ACSM6: variants seen among roughly 807,000 people sequenced by gnomAD.
ACSM6 encodes acyl-CoA synthetase medium chain family member 6, also known as acyl-coenzyme A synthetase ACSM6, mitochondrial.
Under a neutral mutation model 51.1 loss-of-function variants are expected in ACSM6, and 35 were observed. The ratio of observed to expected loss-of-function variants is 0.69; its 90% CI spans 0.52 to 0.91. ACSM6 has a LOEUF of 0.91. Ranked by LOEUF, ACSM6 falls within the 40% of genes least tolerant of loss-of-function variation. The probability of loss-of-function intolerance (pLI) is 0.00; values close to 1 mark genes in which losing one functional copy is unlikely to be tolerated. For missense variants in ACSM6, 509 were observed against 584.1 expected (o/e 0.87, Z 1.32); for synonymous variants, 172 against 207.3 (o/e 0.83, Z 1.46).
At chr10:95,196,733 CATG>C (rs2133367567) in intron 2 of ACSM6, among the ~76,000 whole-genome samples, 1 of 152,264 alleles carries the variant, frequency 6.6e-6, no homozygotes, top group Non-Finnish European at 1.5e-5. Context: ...GTGGAAATAA[CATG>C]ATGTAGAAAC....
intron 6 of ACSM6, 129 bp downstream of exon 6, chr10:95,212,163 G>A (rs892876078): frequency 1.8e-6 from 2 of 1,133,882 alleles, no homozygotes; most frequent in African/African-American, 3.1e-5. Flanking sequence ...TTGACTTGAA[G>A]ATGCTCTCCC....
intron 3 of ACSM6, among the ~76,000 whole-genome samples, chr10:95,205,868 A>C (rs2034834652): frequency 6.6e-6 from 1 of 152,322 alleles, no homozygotes; most frequent in African/African-American, 2.4e-5. Context: ...GTAACTTGAT[A>C]GCTATAAGAT....
chr10:95,208,296 G>A (rs1467309157), intron 4 of ACSM6, among the ~76,000 whole-genome samples: 2 of 152,162 alleles, frequency 1.3e-5, no homozygotes, highest in African/African-American at 4.8e-5. Flanking sequence ...ACAGAGTGTG[G>A]AATAATAGAC....
intron 3 of ACSM6, among the ~76,000 whole-genome samples, chr10:95,205,047 C>A (rs2034828660): frequency 1.3e-5 from 2 of 152,146 alleles, no homozygotes; most frequent in Admixed American, 1.3e-4. Flanking sequence ...ACACATGCAT[C>A]TCTCCTAATG....
intron 2 of ACSM6, among the ~76,000 whole-genome samples, chr10:95,195,495 C>T (rs1352869288): frequency 6.6e-6 from 1 of 152,096 alleles, no homozygotes; most frequent in East Asian, 1.9e-4. Flanking sequence ...TTTTGAAAGG[C>T]CCTGCTGTGT....
chr10:95,202,010 C>T, exon 3 of ACSM6: 1 of 1,551,700 alleles, frequency 6.4e-7, no homozygotes, highest in Non-Finnish European at 8.7e-7. Flanking sequence ...CCTTACCCCG[C>T]CCTCTGGAAG....
At chr10:95,196,152 C>T (rs528216954) in intron 2 of ACSM6, among the ~76,000 whole-genome samples, 5 of 152,320 alleles carry the variant, frequency 3.3e-5, no homozygotes, top group South Asian at 2.1e-4. Flanking sequence ...TCTTTGTGCC[C>T]GCATGGCATC....
chr10:95,207,643 G>T lies in ACSM6; in HGVS notation c.611+228G>T, dbSNP rs151275196. On this transcript the variant is annotated intron_variant, in intron 4 of 10. Transcript: ENST00000341686. Reference sequence around the variant, plus strand: ...AGTAACCCCCAACACAAGCATCCCTGGTCTGACCTACAAGTTCCCAGTCTG... The same window carrying T: ...AGTAACCCCCAACACAAGCATCCCTTGTCTGACCTACAAGTTCCCAGTCTG... Among the ~76,000 whole-genome samples, 443 of 152,066 alleles carry T rather than the reference G, an allele frequency of 2.9e-3. 1 individual carries two copies. Among genetic ancestry groups the T allele is most frequent in the African/African-American group, 0.01 (421 of 41,460 alleles).
intron 3 of ACSM6, among the ~76,000 whole-genome samples, chr10:95,205,616 A>G (rs943470254): frequency 6.6e-6 from 1 of 152,202 alleles, no homozygotes; most frequent in Admixed American, 6.5e-5. Flanking sequence ...TGGCAAAGAC[A>G]AATGCCAAAA....
chr10:95,221,937 A>G (rs766464309), intron 9 of ACSM6, among the ~76,000 whole-genome samples: 1 of 152,232 alleles, frequency 6.6e-6, no homozygotes, highest in Admixed American at 6.5e-5. Context: ...AATAAAGGCC[A>G]TATATAAAAA....
chr10:95,194,382 G>T (rs2034704791), intron 1 of ACSM6, 79 bp downstream of exon 1: 1 of 1,084,822 alleles, frequency 9.2e-7, no homozygotes, highest in Non-Finnish European at 1.3e-6. Context: ...TTTGCCTTAT[G>T]GATTCATTCT....
At chr10:95,219,174 T>C (rs565704576) in intron 8 of ACSM6, among the ~76,000 whole-genome samples, 2 of 152,342 alleles carry the variant, frequency 1.3e-5, no homozygotes, top group Non-Finnish European at 2.9e-5. Context: ...TGCTGAAGTA[T>C]TTCTCAGCAG....
At chr10:95,203,232 A>G (rs1045634764) in intron 3 of ACSM6, among the ~76,000 whole-genome samples, 1 of 152,192 alleles carries the variant, frequency 6.6e-6, no homozygotes, top group Non-Finnish European at 1.5e-5. Flanking sequence ...ATGCCTGATC[A>G]TCTGCCACTG....
At chr10:95,201,659 T>C (rs1338608227) in intron 2 of ACSM6, 1 of 499,688 alleles carries the variant, frequency 2.0e-6, no homozygotes, top group Non-Finnish European at 3.9e-6. Context: ...ATTTCTTTTC[T>C]TTTGGGTAGA....
exon 11 of ACSM6, chr10:95,228,752 G>C (rs565210816): frequency 1.5e-5 from 23 of 1,551,662 alleles, no homozygotes; most frequent in Non-Finnish European, 1.9e-5. Flanking sequence ...TAGAGTTGAT[G>C]ATGTTGCCAA....
At chr10:95,211,612 C>A (rs1203451570) in intron 5 of ACSM6, among the ~76,000 whole-genome samples, 1 of 152,204 alleles carries the variant, frequency 6.6e-6, no homozygotes, top group African/African-American at 2.4e-5. Flanking sequence ...AAAGTGCCTA[C>A]TGGATTAATT....
At chr10:95,207,239 G>T (rs1004771107) in exon 4 of ACSM6, 1 of 1,613,990 alleles carries the variant, frequency 6.2e-7, no homozygotes, top group Non-Finnish European at 8.5e-7. Flanking sequence ...GCCCCCAGCT[G>T]ACTGCCAAGA....
At chr10:95,204,279 G>A (rs532861862) in intron 3 of ACSM6, among the ~76,000 whole-genome samples, 18 of 152,288 alleles carry the variant, frequency 1.2e-4, no homozygotes, top group South Asian at 2.1e-4. Flanking sequence ...TCAGCCGGGC[G>A]CAGTGGCTAC....
Position 95,219,366 on chromosome 10 carries a change from A to ATT in ACSM6, c.1120-523_1120-522dup, listed in dbSNP as rs200021484. 3.7e-3 allele frequency among the ~76,000 whole-genome samples: 560 copies of ATT among 150,296 alleles called. 5 individuals are homozygous for ATT. Among genetic ancestry groups the ATT allele is most frequent in the African/African-American group, 0.013 (514 of 40,442 alleles). ...ATTTTCTCATAAATAGCTTTAGTAT[A>ATT]TTTAAAAAAAAGGCACTAAAAAACA... On this transcript the variant is annotated intron_variant, in intron 8 of 10. Coordinates refer to ENST00000341686, the Ensembl canonical transcript of ACSM6.
Sources: gnomAD v4.1 joint callset for allele counts (sites outside exome capture counted in the v4.1 genomes callset) on GRCh38, gnomAD v4.1.1 for gene constraint, MANE v1.5 for transcripts, NCBI Gene and HGNC (gene_info 2026-07-23, HGNC 2026-07-21) for gene names.